Variants in SYT9 observed in about 807,000 individuals in gnomAD.
The protein encoded by SYT9 is synaptotagmin-9.
Under a neutral mutation model 48.4 loss-of-function variants are expected in SYT9, and 22 were observed. That is an observed-to-expected ratio of 0.45 (90% CI 0.32 to 0.65). SYT9 has a LOEUF of 0.65. Ranked by LOEUF, SYT9 falls within the 30% of genes least tolerant of loss-of-function variation. The pLI is 0.03. For synonymous variants in SYT9, 265 were observed against 245.0 expected, an observed-to-expected ratio of 1.08 and a Z score of -0.76; for missense variants, 577 against 622.0, an observed-to-expected ratio of 0.93 and a Z score of 0.77.
At chr11:7,282,966 CAG>C (rs1219131506) in intron 1 of SYT9, among the ~76,000 whole-genome samples, 1 of 145,292 alleles carries the variant, frequency 6.9e-6, no homozygotes, top group Non-Finnish European at 1.5e-5. Context: ...GAGAGAGAAA[CAG>C]AGATTGAGAG....
intron 3 of SYT9, among the ~76,000 whole-genome samples, chr11:7,396,928 A>G (rs766550245): frequency 5.3e-5 from 8 of 152,168 alleles, no homozygotes; most frequent in South Asian, 2.1e-4. Flanking sequence ...TATTTTACAA[A>G]TATCATTCAG....
At chr11:7,273,256 G>GA (rs1848328322) in intron 1 of SYT9, among the ~76,000 whole-genome samples, 1 of 151,152 alleles carries the variant, frequency 6.6e-6, no homozygotes, top group Non-Finnish European at 1.5e-5. Flanking sequence ...GGCCTGAAAT[G>GA]AAAAAAAGAG....
chr11:7,303,677 T>C (rs1848981235), intron 2 of SYT9, among the ~76,000 whole-genome samples: 1 of 152,198 alleles, frequency 6.6e-6, no homozygotes, highest in Non-Finnish European at 1.5e-5. Context: ...TGTATACTAT[T>C]ATCATTCTTA....
intron 1 of SYT9, among the ~76,000 whole-genome samples, chr11:7,295,179 G>T (rs57099246): frequency 0.52 from 79,592 of 151,994 alleles, 20,963 homozygotes; most frequent in African/African-American, 0.57. Flanking sequence ...TAACAATTCT[G>T]TCTTTAAGTC....
chr11:7,416,114 A>C lies in SYT9; in HGVS notation c.1117A>C (p.Ile373Leu). The change falls in exon 4 of 7, where the codon ATT becomes CTT. Residue 373 changes from isoleucine to leucine, a missense_variant. Physicochemically the swap from Ile to Leu is conservative, Grantham distance 5 (BLOSUM62 2). Transcript: ENST00000318881. ...LPTAGRLTIT[I>L]IKARNLKAMD... ...AACGGCTGGCAGGCTGACCATTACCATTATAAAAGCAAGGAATTTAAAGGC... is the reference window on the plus strand; with the variant it reads ...AACGGCTGGCAGGCTGACCATTACCCTTATAAAAGCAAGGAATTTAAAGGC... 3 of 1,614,168 alleles carry C rather than the reference A, an allele frequency of 1.9e-6. No individual in the cohort carries two copies. The highest frequency in any genetic ancestry group is 2.2e-5 in the East Asian group (1 of 44,888).
chr11:7,416,269 C>G (rs897435740), intron 4 of SYT9, 107 bp downstream of exon 4: 1 of 1,374,578 alleles, frequency 7.3e-7, no homozygotes. Flanking sequence ...ACCAGACTGC[C>G]TAGGCTTAGC....
intron 1 of SYT9, among the ~76,000 whole-genome samples, chr11:7,240,548 T>C (rs1345638085): frequency 6.6e-6 from 1 of 152,216 alleles, no homozygotes; most frequent in African/African-American, 2.4e-5. Context: ...GAATACGTCT[T>C]CTAGCATTCC....
upstream of SYT9, among the ~76,000 whole-genome samples, chr11:7,251,098 T>TGA (rs1163718463): frequency 2.8e-4 from 28 of 101,234 alleles, no homozygotes; most frequent in Non-Finnish European, 1.4e-4. Context: ...TGTGGCACAG[T>TGA]GACACACACA....
chr11:7,459,614 C>A (rs1176215348), intron 6 of SYT9, among the ~76,000 whole-genome samples: 1 of 152,084 alleles, frequency 6.6e-6, no homozygotes, highest in Admixed American at 6.5e-5. Context: ...AGTGTCCTCC[C>A]AAAATTTACA....
intron 3 of SYT9, among the ~76,000 whole-genome samples, chr11:7,370,288 CT>C (rs1437331327): frequency 2.0e-5 from 3 of 152,162 alleles, no homozygotes; most frequent in Non-Finnish European, 4.4e-5. Context: ...AAACAAGTCA[CT>C]TCTAGCAGTA....
intron 6 of SYT9, among the ~76,000 whole-genome samples, chr11:7,442,078 T>C (rs1346508601): frequency 2.0e-5 from 3 of 151,934 alleles, no homozygotes; most frequent in Non-Finnish European, 4.4e-5. Flanking sequence ...AAACGAAATC[T>C]GAATCTCAAA....
At chr11:7,390,355 A>G (rs1412521710) in intron 3 of SYT9, among the ~76,000 whole-genome samples, 2 of 152,162 alleles carry the variant, frequency 1.3e-5, no homozygotes, top group South Asian at 2.1e-4. Flanking sequence ...TATTATTTTA[A>G]CTACCTGTGA....
At chr11:7,457,231 T>A (rs192000176) in intron 6 of SYT9, 1 of 152,410 alleles carries the variant, frequency 6.6e-6, no homozygotes, top group Admixed American at 6.5e-5. Context: ...ATCCAGCCTG[T>A]CTTTTTAGCA....
intron 3 of SYT9, among the ~76,000 whole-genome samples, chr11:7,317,096 A>T (rs1849256195): frequency 6.6e-6 from 1 of 152,090 alleles, no homozygotes; most frequent in Non-Finnish European, 1.5e-5. Context: ...AATAGAGGTT[A>T]TGTTTGGTGT....
At chr11:7,298,586 T>G (rs1018453894) in intron 1 of SYT9, among the ~76,000 whole-genome samples, 1 of 152,150 alleles carries the variant, frequency 6.6e-6, no homozygotes, top group East Asian at 1.9e-4. Flanking sequence ...ATTTTTCTCA[T>G]CCATGTGAGT....
intron 3 of SYT9, among the ~76,000 whole-genome samples, chr11:7,355,350 G>T (rs1454308978): frequency 6.6e-6 from 1 of 152,210 alleles, no homozygotes; most frequent in Non-Finnish European, 1.5e-5. Flanking sequence ...ACCTGGTGGG[G>T]TTACCCCAGT....
chr11:7,403,090 GTTA>G (rs1183115555), intron 3 of SYT9, among the ~76,000 whole-genome samples: 2 of 152,036 alleles, frequency 1.3e-5, no homozygotes, highest in Non-Finnish European at 2.9e-5. Context: ...AGAAGCTGAG[GTTA>G]TTGACATGAA....
chr11:7,389,199 CA>C (rs1163853489), intron 3 of SYT9, among the ~76,000 whole-genome samples: 38 of 152,214 alleles, frequency 2.5e-4, no homozygotes, highest in African/African-American at 9.2e-4. Flanking sequence ...CTGAATATAA[CA>C]GCATTTCTGG....
In SYT9 at chr11:7,454,432, C is replaced by T. The variant is rs146140051; in HGVS notation, c.1468-12360C>T. The T allele has an allele frequency of 1.5e-3, 626 of 430,712 alleles. 2 individuals carry two copies. Among genetic ancestry groups the T allele is most frequent in the African/African-American group, 0.013 (589 of 46,610 alleles). The allele number at this position is 430,712 out of a possible 1,614,324, so 26.7% of individuals were successfully genotyped here. The stretch of plus-strand genomic sequence containing the variant: ...CCCTGCCCTATCCCCACATCCTATC[C>T]CAAGCACGGACACAGTCCCTTTCCC... On this transcript the variant is annotated intron_variant, in intron 6 of 6. Coordinates refer to ENST00000318881, the MANE Select transcript of SYT9 (RefSeq NM_175733.4).
Sources: allele counts gnomAD v4.1 joint callset (sites outside exome capture counted in the v4.1 genomes callset), GRCh38; gene constraint gnomAD v4.1.1; transcripts MANE v1.5; gene names NCBI Gene and HGNC (gene_info 2026-07-23, HGNC 2026-07-21).